Variants in MIA2 observed in about 807,000 individuals in gnomAD.
The protein encoded by MIA2 is MIA SH3 domain ER export factor 2.
In MIA2, 127 loss-of-function variants were observed where a neutral mutation model predicts 167.8. The ratio of observed to expected loss-of-function variants is 0.76; its 90% CI spans 0.66 to 0.88. MIA2 has a LOEUF of 0.88. Ranked by LOEUF, MIA2 falls within the 40% of genes least tolerant of loss-of-function variation. The pLI, the probability that MIA2 is intolerant of heterozygous loss-of-function variation, is 0.00. For synonymous variants in MIA2, 552 were observed against 541.9 expected, an observed-to-expected ratio of 1.02 and a Z score of -0.26; for missense variants, 1,690 against 1,624.7, an observed-to-expected ratio of 1.04 and a Z score of -0.69.
chr14:39,314,439 TTAAAAA>T (rs1386727409), intron 19 of MIA2, among the ~76,000 whole-genome samples: 3 of 151,838 alleles, frequency 2.0e-5, no homozygotes, highest in Admixed American at 2.0e-4. Flanking sequence ...ATCATTCTTC[TTAAAAA>T]TAAAAAAAAA....
intron 3 of MIA2, among the ~76,000 whole-genome samples, chr14:39,246,312 G>A (rs993012240): frequency 2.6e-4 from 39 of 151,744 alleles, no homozygotes; most frequent in African/African-American, 9.0e-4. Flanking sequence ...GGCCAGGCTG[G>A]TCTCGAACTC....
At chr14:39,290,602 A>G (rs1367615813) in intron 9 of MIA2, among the ~76,000 whole-genome samples, 1 of 152,246 alleles carries the variant, frequency 6.6e-6, no homozygotes, top group Admixed American at 6.5e-5. Context: ...TCTTTAATGA[A>G]TAGGCTTAAA....
intron 16 of MIA2, among the ~76,000 whole-genome samples, chr14:39,303,828 AG>A (rs2062899669): frequency 6.6e-6 from 1 of 151,886 alleles, no homozygotes; most frequent in African/African-American, 2.4e-5. Context: ...TTTTTCTTCT[AG>A]TCTCAGTATT....
intron 25 of MIA2, among the ~76,000 whole-genome samples, chr14:39,337,949 C>T (rs2070823412): frequency 6.6e-6 from 1 of 152,158 alleles, no homozygotes; most frequent in South Asian, 2.1e-4. Context: ...TCTCGAACTT[C>T]TGACCTCAAG....
intron 19 of MIA2, among the ~76,000 whole-genome samples, chr14:39,314,143 T>C (rs936278871): frequency 6.6e-6 from 1 of 152,184 alleles, no homozygotes; most frequent in Admixed American, 6.5e-5. Context: ...CCCTGTACTT[T>C]GGGAGGCCAA....
downstream of MIA2, among the ~76,000 whole-genome samples, chr14:39,352,199 C>CT (rs11392444): frequency 0.37 from 49,655 of 132,892 alleles, 9,060 homozygotes; most frequent in East Asian, 0.59. Flanking sequence ...TTGTTTTTGG[C>CT]TTTTTTTTTT....
chr14:39,300,033 CACTA>C, intron 14 of MIA2, 47 bp downstream of exon 14: 1 of 1,564,118 alleles, frequency 6.4e-7, no homozygotes, highest in South Asian at 1.2e-5. Flanking sequence ...TAGAATTTTA[CACTA>C]ACTCTGAAAT....
At chr14:39,273,415 T>C (rs1282895430) in intron 6 of MIA2, among the ~76,000 whole-genome samples, 1 of 151,978 alleles carries the variant, frequency 6.6e-6, no homozygotes, top group African/African-American at 2.4e-5. Context: ...TGCAGTGGCA[T>C]GATCATGATT....
Position 39,350,435 on chromosome 14 carries a change from A to G in MIA2, c.*171A>G. On this transcript the variant is annotated 3_prime_UTR_variant, in exon 29 of 29. Coordinates refer to ENST00000640607, the MANE Select transcript of MIA2 (RefSeq NM_001329214.4). Reference sequence around the variant, plus strand: ...GATTTAAATATGAATCTTATGAGTAAATTATTTCAATTTTATTTTAGACGG... The same window carrying G: ...GATTTAAATATGAATCTTATGAGTAGATTATTTCAATTTTATTTTAGACGG... The G allele has an allele frequency of 2.3e-6, 1 of 439,088 alleles. No individual in the cohort carries two copies. Among genetic ancestry groups the G allele is most frequent in the Non-Finnish European group, 4.1e-6 (1 of 244,666 alleles). The allele number at this position is 439,088 out of a possible 1,614,324, so 27.2% of individuals were successfully genotyped here. A position where few individuals can be genotyped will look rare whatever the true frequency, so the allele number is the denominator to read the frequency against.
intron 6 of MIA2, among the ~76,000 whole-genome samples, chr14:39,255,328 T>A (rs1422675359): frequency 6.6e-6 from 1 of 152,040 alleles, no homozygotes; most frequent in East Asian, 1.9e-4. Context: ...GCCAACATGG[T>A]GAAACCTCGT....
intron 11 of MIA2, 141 bp from the exon 12 acceptor site, chr14:39,293,859 T>C: frequency 1.5e-6 from 1 of 651,376 alleles, no homozygotes; most frequent in Non-Finnish European, 2.7e-6. Flanking sequence ...TTTTAGCATA[T>C]GGCTAAATAA....
chr14:39,273,893 G>A (rs972394408), intron 6 of MIA2, among the ~76,000 whole-genome samples: 1 of 152,202 alleles, frequency 6.6e-6, no homozygotes, highest in Non-Finnish European at 1.5e-5. Flanking sequence ...GGAAGAGTTT[G>A]AGAGTGATTG....
At chr14:39,320,725 A>G (rs761239264) in intron 23 of MIA2, among the ~76,000 whole-genome samples, 10 of 152,164 alleles carry the variant, frequency 6.6e-5, no homozygotes, top group East Asian at 1.9e-4. Flanking sequence ...TAAAGTGTCT[A>G]TTTGATAGAC....
rs778147570 is a variant in MIA2 at position 39,252,632 on chromosome 14, G to A, written c.1568-116G>A. The A allele has an allele frequency of 1.8e-5, 12 of 675,052 alleles. 1 individual carries two copies. The highest frequency in any genetic ancestry group is 2.8e-5 in the Admixed American group (1 of 35,904). 41.8% of individuals were successfully genotyped at this position (675,052 alleles called of 1,614,324 possible). ...TGTTTTAGTGTGTCCTTTCTTTAAC[G>A]AAGTATCATAATGACCTACAAAAGT... On this transcript the variant is annotated intron_variant, in intron 4 of 28. Coordinates refer to ENST00000640607, the MANE Select transcript of MIA2 (RefSeq NM_001329214.4).
chr14:39,331,821 G>A (rs1344364804), intron 25 of MIA2, among the ~76,000 whole-genome samples: 1 of 152,176 alleles, frequency 6.6e-6, no homozygotes, highest in Non-Finnish European at 1.5e-5. Flanking sequence ...AGAGAGATCC[G>A]CTGTTAGTCT....
At chr14:39,330,851 G>A (rs1426853059) in intron 25 of MIA2, among the ~76,000 whole-genome samples, 1 of 152,080 alleles carries the variant, frequency 6.6e-6, no homozygotes, top group Non-Finnish European at 1.5e-5. Context: ...CCATCCTTTT[G>A]CATTTGCTGA....
chr14:39,284,266 T>A (rs2059328759), intron 9 of MIA2, among the ~76,000 whole-genome samples: 1 of 152,240 alleles, frequency 6.6e-6, no homozygotes, highest in Non-Finnish European at 1.5e-5. Context: ...TTCATTCTTT[T>A]GCGTGTGAAA....
In MIA2 at chr14:39,326,854, C is replaced by G. The variant is rs199770241; in HGVS notation, c.3497-10C>G. 1 of 1,528,406 alleles carries G rather than the reference C, an allele frequency of 6.5e-7. No homozygotes were observed. Among genetic ancestry groups the G allele is most frequent in the Non-Finnish European group, 8.7e-7 (1 of 1,145,402 alleles). 94.7% of individuals were successfully genotyped at this position (1,528,406 alleles called of 1,614,324 possible). On this transcript the variant is annotated splice_polypyrimidine_tract_variant and intron_variant, in intron 24 of 28. Coordinates refer to ENST00000640607, the MANE Select transcript of MIA2 (RefSeq NM_001329214.4). The stretch of plus-strand genomic sequence containing the variant: ...GAAACAGATTTGTATGTTTTTTTTT[C>G]TTTAATTAGGCTCACGAGGCCCAGG...
intron 25 of MIA2, among the ~76,000 whole-genome samples, chr14:39,337,711 T>C (rs1375282324): frequency 6.6e-6 from 1 of 152,148 alleles, no homozygotes. Flanking sequence ...TGTTATTCCA[T>C]GTATATAACA....
Sources: gnomAD v4.1 joint callset for allele counts (sites outside exome capture counted in the v4.1 genomes callset) on GRCh38, gnomAD v4.1.1 for gene constraint, MANE v1.5 for transcripts, NCBI Gene and HGNC (gene_info 2026-07-23, HGNC 2026-07-21) for gene names.